Variants in PUDP observed in about 807,000 individuals in gnomAD.
PUDP encodes pseudouridine-5'-phosphatase.
Under a neutral mutation model 9.4 loss-of-function variants are expected in PUDP, and 8 were observed. The ratio of observed to expected loss-of-function variants is 0.85; its 90% CI spans 0.50 to 1.53. The LOEUF (loss-of-function observed/expected upper bound fraction) is 1.53, where lower values mean the gene tolerates loss of function less well. Ranked by LOEUF, PUDP falls within the 40% of genes most tolerant of loss-of-function variation. The pLI, the probability that PUDP is intolerant of heterozygous loss-of-function variation, is 0.00. For synonymous variants in PUDP, 99 were observed against 80.7 expected (o/e 1.23, Z -1.22); for missense variants, 188 against 189.7 (o/e 0.99, Z 0.05).
At chrX:7,130,365 C>A (rs1456255170) in intron 1 of PUDP, among the ~76,000 whole-genome samples, 1 of 97,345 alleles carries the variant, frequency 1.0e-5, no homozygotes, top group East Asian at 3.4e-4. Flanking sequence ...CAGAGATGCA[C>A]ATACTACACA....
chrX:7,112,755 G>A (rs372060765), intron 1 of PUDP, among the ~76,000 whole-genome samples: 5 of 111,291 alleles, frequency 4.5e-5, no homozygotes, highest in South Asian at 3.9e-4. Flanking sequence ...CTGACCCCCC[G>A]GGCTCAAGTG....
At chrX:7,006,808 A>G (rs1372176965) in intron 1 of PUDP, among the ~76,000 whole-genome samples, 1 of 111,641 alleles carries the variant, frequency 9.0e-6, no homozygotes, top group East Asian at 2.8e-4. Context: ...TGAGACTGAC[A>G]CAAGAACAGG....
At chrX:7,056,844 T>A (rs1271384302) in intron 3 of PUDP, among the ~76,000 whole-genome samples, 1 of 112,337 alleles carries the variant, frequency 8.9e-6, no homozygotes, top group Non-Finnish European at 1.9e-5. Context: ...CTGGAGGTCA[T>A]GCAGTCAGGC....
At chrX:6,926,683 T>G (rs1271979772) in intron 3 of PUDP, among the ~76,000 whole-genome samples, 1 of 112,026 alleles carries the variant, frequency 8.9e-6, no homozygotes, top group Non-Finnish European at 1.9e-5. Flanking sequence ...CATTTTATTG[T>G]GCATTCAGAG....
intron 1 of PUDP, among the ~76,000 whole-genome samples, chrX:7,028,843 C>G (rs1262927620): frequency 3.6e-5 from 4 of 111,837 alleles, no homozygotes; most frequent in African/African-American, 1.3e-4. Context: ...GGCTGGAAAT[C>G]TGAGACAAGG....
At chrX:7,144,608 T>C (rs1179790451) in intron 1 of PUDP, among the ~76,000 whole-genome samples, 2 of 110,721 alleles carry the variant, frequency 1.8e-5, no homozygotes, top group East Asian at 5.7e-4. Flanking sequence ...CAGGCACTTA[T>C]AGTCTCAAGT....
chrX:6,994,300 C>A (rs1334485138), intron 1 of PUDP, among the ~76,000 whole-genome samples: 3 of 111,680 alleles, frequency 2.7e-5, no homozygotes, highest in Non-Finnish European at 5.6e-5. Flanking sequence ...GTAGTCGCAG[C>A]TACTTGGGAG....
Position 7,049,847 on chromosome X carries a change from A to T in PUDP, c.*449T>A, listed in dbSNP as rs774870033. The T allele has an allele frequency of 9.7e-6, 1 of 103,131 alleles. No homozygotes were observed. Among genetic ancestry groups the T allele is most frequent in the African/African-American group, 3.3e-5 (1 of 29,876 alleles). The allele number at this position is 103,131 out of a possible 1,213,427, so 8.5% of individuals were successfully genotyped here. A position where few individuals can be genotyped will look rare whatever the true frequency, so the allele number is the denominator to read the frequency against. On this transcript the variant is annotated 3_prime_UTR_variant, in exon 4 of 4. Transcript: ENST00000381077. Reference sequence around the variant, plus strand: ...TTCCCAGCCAGTGTTCAGAAAAACTAGAAGAGAGAAGTGATGTTCCATTTT... The same window carrying T: ...TTCCCAGCCAGTGTTCAGAAAAACTTGAAGAGAGAAGTGATGTTCCATTTT...
At chrX:6,787,520 T>C (rs985186524) in intron 3 of PUDP, among the ~76,000 whole-genome samples, 1 of 112,385 alleles carries the variant, frequency 8.9e-6, no homozygotes, top group African/African-American at 3.2e-5. Flanking sequence ...CTTTCTGTGC[T>C]GTAGAATATT....
chrX:6,826,967 G>A (rs1033921714), intron 3 of PUDP, among the ~76,000 whole-genome samples: 3 of 111,868 alleles, frequency 2.7e-5, no homozygotes, highest in Admixed American at 9.5e-5. Flanking sequence ...TAAGACAGAG[G>A]CCAGCACACT....
At chrX:6,932,751 G>T (rs778914428) in intron 3 of PUDP, among the ~76,000 whole-genome samples, 5 of 111,592 alleles carry the variant, frequency 4.5e-5, no homozygotes, top group Non-Finnish European at 9.4e-5. Flanking sequence ...CTGGAAAATC[G>T]GGTCACTCCC....
chrX:7,057,620 T>G, intron 3 of PUDP: 1 of 1,103,459 alleles, frequency 9.1e-7, no homozygotes. Context: ...GTAGCTTTTG[T>G]GACAAGTTGG....
chrX:7,030,308 T>G (rs1371215604), intron 1 of PUDP, among the ~76,000 whole-genome samples: 1 of 110,925 alleles, frequency 9.0e-6, no homozygotes, highest in Non-Finnish European at 1.9e-5. Flanking sequence ...ACCTGCCCCA[T>G]GGTGTGCTAG....
intron 3 of PUDP, among the ~76,000 whole-genome samples, chrX:6,806,840 A>C (rs931302731): frequency 4.4e-5 from 5 of 112,677 alleles, no homozygotes; most frequent in African/African-American, 1.6e-4. Flanking sequence ...CTGAAATTCC[A>C]CTAAGGCATC....
At chrX:6,999,791 AAT>A (rs1555922857) in intron 1 of PUDP, among the ~76,000 whole-genome samples, 26 of 102,336 alleles carry the variant, frequency 2.5e-4, no homozygotes, top group African/African-American at 8.3e-4. Flanking sequence ...GAAAATAAAA[AAT>A]AATAATAATA....
chrX:7,015,677 G>A (rs1929537065), intron 1 of PUDP, among the ~76,000 whole-genome samples: 1 of 111,255 alleles, frequency 9.0e-6, no homozygotes. Flanking sequence ...CTGGACTCAA[G>A]CAATCTGCCA....
chrX:6,994,188 G>A, intron 1 of PUDP, among the ~76,000 whole-genome samples: 1 of 111,736 alleles, frequency 8.9e-6, no homozygotes, highest in South Asian at 3.8e-4. Flanking sequence ...TGAGGTGGGA[G>A]GACCACTTGA....
intron 3 of PUDP, among the ~76,000 whole-genome samples, chrX:6,887,630 G>C (rs951135624): frequency 9.0e-6 from 1 of 111,370 alleles, no homozygotes; most frequent in Non-Finnish European, 1.9e-5. Flanking sequence ...TAAAGGCCAT[G>C]AATAGAATAT....
At chrX:7,061,514 G>C (rs1930402089) in intron 3 of PUDP, among the ~76,000 whole-genome samples, 2 of 106,732 alleles carry the variant, frequency 1.9e-5, no homozygotes, top group African/African-American at 7.6e-5. Context: ...GGAGAAGAAG[G>C]CTTCACAGAG....
Sources: allele counts gnomAD v4.1 joint callset (sites outside exome capture counted in the v4.1 genomes callset), GRCh38; gene constraint gnomAD v4.1.1; transcripts MANE v1.5; gene names NCBI Gene and HGNC (gene_info 2026-07-23, HGNC 2026-07-21).